Variants in SAMD4A observed in about 807,000 individuals in gnomAD.
SAMD4A encodes the protein protein Smaug homolog 1.
A neutral mutation model predicts 81.3 loss-of-function variants in SAMD4A; 33 were observed. The ratio of observed to expected loss-of-function variants is 0.41; its 90% CI spans 0.31 to 0.54. SAMD4A has a LOEUF of 0.54. Ranked by LOEUF, SAMD4A falls within the 20% of genes least tolerant of loss-of-function variation. The pLI is 0.37. For missense variants in SAMD4A, 854 were observed against 951.1 expected, an observed-to-expected ratio of 0.90 and a Z score of 1.34; for synonymous variants, 389 against 382.1, an observed-to-expected ratio of 1.02 and a Z score of -0.21.
chr14:54,646,067 T>C (rs2035280530), intron 2 of SAMD4A, among the ~76,000 whole-genome samples: 1 of 152,222 alleles, frequency 6.6e-6, no homozygotes, highest in Non-Finnish European at 1.5e-5. Context: ...TTAAACCATA[T>C]GGTTTTGGGC....
chr14:54,678,429 CCATT>C (rs1044666778), intron 2 of SAMD4A, among the ~76,000 whole-genome samples: 2 of 106,154 alleles, frequency 1.9e-5, no homozygotes, highest in African/African-American at 8.2e-5. Flanking sequence ...TGGGCAGTCA[CCATT>C]TGTGTGTGTG....
chr14:54,696,766 A>G (rs1284505090), intron 2 of SAMD4A: 2 of 152,234 alleles, frequency 1.3e-5, no homozygotes, highest in East Asian at 1.9e-4. Context: ...TCACTGGTTT[A>G]CAAATTATAA....
intron 6 of SAMD4A, among the ~76,000 whole-genome samples, chr14:54,754,241 G>A (rs964035846): frequency 6.6e-6 from 1 of 152,162 alleles, no homozygotes; most frequent in African/African-American, 2.4e-5. Context: ...TGTTTTCCGT[G>A]TCCCAGATTT....
chr14:54,734,416 T>C (rs895219085), intron 3 of SAMD4A, among the ~76,000 whole-genome samples: 29 of 152,308 alleles, frequency 1.9e-4, no homozygotes, highest in Admixed American at 9.1e-4. Context: ...CATTATGATA[T>C]AGAGTGTATG....
chr14:54,771,916 G>GTGTT (rs1245884477), intron 9 of SAMD4A, among the ~76,000 whole-genome samples: 1 of 152,218 alleles, frequency 6.6e-6, no homozygotes, highest in Non-Finnish European at 1.5e-5. Flanking sequence ...CCTCTCCAGG[G>GTGTT]TGTTTGTTAG....
At chr14:54,648,289 C>CAGG (rs2035327672) in intron 2 of SAMD4A, among the ~76,000 whole-genome samples, 4 of 152,096 alleles carry the variant, frequency 2.6e-5, no homozygotes. Context: ...TGAATAGAGG[C>CAGG]AGGAGGAGGA....
intron 2 of SAMD4A, among the ~76,000 whole-genome samples, chr14:54,643,204 A>G (rs181376230): frequency 1.4e-4 from 21 of 152,320 alleles, no homozygotes. Context: ...TAAAACATCT[A>G]GGTTTGAAAA....
intron 2 of SAMD4A, among the ~76,000 whole-genome samples, chr14:54,658,587 G>T (rs2035574328): frequency 6.6e-6 from 1 of 152,114 alleles, no homozygotes; most frequent in Non-Finnish European, 1.5e-5. Flanking sequence ...GTAGCCAGCT[G>T]GCCTCATCAC....
chr14:54,784,492 G>A (rs1566639827), intron 11 of SAMD4A, 45 bp from the exon 12 acceptor site: 2 of 1,613,172 alleles, frequency 1.2e-6, no homozygotes, highest in East Asian at 4.5e-5. Flanking sequence ...GTGGCACCCT[G>A]CTTATCTCCT....
intron 2 of SAMD4A, among the ~76,000 whole-genome samples, chr14:54,583,108 T>C (rs1379743022): frequency 6.6e-6 from 1 of 152,118 alleles, no homozygotes; most frequent in Non-Finnish European, 1.5e-5. Context: ...CATGCCTGGC[T>C]AATTTTTTGT....
chr14:54,766,930 T>C (rs1000723047), intron 8 of SAMD4A, among the ~76,000 whole-genome samples: 1 of 152,108 alleles, frequency 6.6e-6, no homozygotes, highest in Admixed American at 6.5e-5. Context: ...CTTGGTACCC[T>C]GGCTCTGGTT....
rs1179812005 is a variant in SAMD4A, at chr14:54,678,432, T to TG, written c.197-23630_197-23629insG. On this transcript the variant is annotated intron_variant, in intron 2 of 12. Coordinates refer to ENST00000554335, the MANE Select transcript of SAMD4A (RefSeq NM_015589.6). ...TGTGTCGTATTTTGGGCAGTCACCA[T>TG]TTGTGTGTGTGTGTGTGTGTGTGTG... Among the ~76,000 whole-genome samples, 97 of 125,136 alleles carry TG rather than the reference T, an allele frequency of 7.8e-4. 1 individual carries two copies. The highest frequency in any genetic ancestry group is 1.2e-3 in the Admixed American group (15 of 12,456). The allele number at this position is 125,136 out of a possible 152,430, so 82.1% of individuals were successfully genotyped here.
At chr14:54,783,876 G>A (rs888433185) in intron 11 of SAMD4A, among the ~76,000 whole-genome samples, 1 of 152,228 alleles carries the variant, frequency 6.6e-6, no homozygotes, top group African/African-American at 2.4e-5. Context: ...AGGCACAGGG[G>A]GCAGAGCCAT....
At chr14:54,597,881 C>A (rs1360324934) in intron 2 of SAMD4A, among the ~76,000 whole-genome samples, 2 of 152,134 alleles carry the variant, frequency 1.3e-5, no homozygotes, top group African/African-American at 4.8e-5. Flanking sequence ...AGCCATCACA[C>A]TGGCCCCCTG....
At chr14:54,756,844 G>A (rs1178093802) in intron 6 of SAMD4A, among the ~76,000 whole-genome samples, 1 of 152,204 alleles carries the variant, frequency 6.6e-6, no homozygotes, top group African/African-American at 2.4e-5. Context: ...GTATAAGTCA[G>A]GAAGTAATTT....
chr14:54,681,620 T>TGGTA (rs1253210934), intron 2 of SAMD4A, among the ~76,000 whole-genome samples: 2 of 152,142 alleles, frequency 1.3e-5, no homozygotes, highest in African/African-American at 4.8e-5. Flanking sequence ...TCTATAGAGA[T>TGGTA]GGTATCTCCC....
Position 54,762,858 on chromosome 14 carries a change from C to CTT in SAMD4A, c.1511-1584_1511-1583dup, listed in dbSNP as rs35747854. On this transcript the variant is annotated intron_variant, in intron 7 of 12. Transcript: ENST00000554335. ...TCATACATAAGCACATGAATATTCA[C>CTT]TTTTTTTTTTTTTTGAGATGGAGTC... Among the ~76,000 whole-genome samples, 99 of 142,328 alleles carry CTT rather than the reference C, an allele frequency of 7.0e-4. 1 individual carries two copies. The highest frequency in any genetic ancestry group is 1.2e-3 in the African/African-American group (44 of 38,186). 93.4% of individuals were successfully genotyped at this position (142,328 alleles called of 152,430 possible).
At chr14:54,644,694 T>A (rs531459977) in intron 2 of SAMD4A, among the ~76,000 whole-genome samples, 2 of 152,392 alleles carry the variant, frequency 1.3e-5, no homozygotes, top group East Asian at 3.9e-4. Flanking sequence ...AATGGAGTTA[T>A]GTTTTTGTAA....
intron 8 of SAMD4A, among the ~76,000 whole-genome samples, chr14:54,764,775 C>T (rs1389352888): frequency 1.3e-5 from 2 of 152,194 alleles, no homozygotes; most frequent in African/African-American, 2.4e-5. Context: ...GTGCAGTGAA[C>T]GCCTGCAACG....
Sources: allele counts gnomAD v4.1 joint callset (sites outside exome capture counted in the v4.1 genomes callset), GRCh38; gene constraint gnomAD v4.1.1; transcripts MANE v1.5; gene names NCBI Gene and HGNC (gene_info 2026-07-23, HGNC 2026-07-21).